The following LLGL1 variants were observed in gnomAD, a reference collection of about 807,000 sequenced individuals.
LLGL1 encodes the protein lethal(2) giant larvae protein homolog 1.
A neutral mutation model predicts 110.6 loss-of-function variants in LLGL1; 58 were observed. That is an observed-to-expected ratio of 0.52 (90% CI 0.42 to 0.65). The LOEUF (loss-of-function observed/expected upper bound fraction) is 0.65. Ranked by LOEUF, LLGL1 falls within the 30% of genes least tolerant of loss-of-function variation. LLGL1 has a pLI of 0.00. For synonymous variants in LLGL1, 674 were observed against 607.2 expected (o/e 1.11, Z -1.62); for missense variants, 1,229 against 1,462.1 (o/e 0.84, Z 2.60).
rs2047932204 is a variant in LLGL1 at position 18,244,388 on chromosome 17, C to CCCA, written c.*490_*492dup. 1 of 151,800 alleles carries CCCA rather than the reference C, an allele frequency of 6.6e-6. No individual in the cohort carries two copies. Among genetic ancestry groups the CCCA allele is most frequent in the Non-Finnish European group, 1.5e-5 (1 of 68,014 alleles). 9.4% of individuals were successfully genotyped at this position (151,800 alleles called of 1,614,324 possible). Reference sequence around the variant, plus strand: ...TCCCAAGTAGCTGGGACTACAGGCGCCCACCACCACGCCCAGCTAATTTTT... The same window carrying CCCA: ...TCCCAAGTAGCTGGGACTACAGGCGCCCACCACCACCACGCCCAGCTAATTTTT... On this transcript the variant is annotated 3_prime_UTR_variant, in exon 23 of 23. Transcript: ENST00000316843.
At chr17:18,225,793 G>GCT (rs2047423258) in intron 1 of LLGL1, 30 bp downstream of exon 1, 2 of 954,982 alleles carry the variant, frequency 2.1e-6, no homozygotes, top group Non-Finnish European at 2.5e-6. Context: ...CCGGGCTCGG[G>GCT]CGGGAGGGGG....
At chr17:18,242,139 G>A in intron 19 of LLGL1, 27 bp from the exon 20 acceptor site, 5 of 1,590,686 alleles carry the variant, frequency 3.1e-6, no homozygotes, top group Non-Finnish European at 4.3e-6. Flanking sequence ...TCCACCTATG[G>A]TCCCCATCAT....
intron 1 of LLGL1, among the ~76,000 whole-genome samples, chr17:18,229,714 G>A (rs1460158656): frequency 6.6e-6 from 1 of 152,162 alleles, no homozygotes. Flanking sequence ...CTATGCACGC[G>A]GTACAGTCAT....
chr17:18,229,980 G>T lies in LLGL1; in HGVS notation c.121G>T (p.Ala41Ser), dbSNP rs760918366. ...CTTCCCCAATCAGCCCAGCGCCCTG[G>T]CCTTCGACCCGGAACTTCGCATCAT... ...HGFPNQPSAL[A>S]FDPELRIMAI... Residue 41 changes from alanine (A) to serine (S), a missense_variant, in exon 2 of 23, where the codon GCC (alanine) becomes TCC (serine). Coordinates refer to ENST00000316843, the MANE Select transcript of LLGL1 (RefSeq NM_004140.4). The T allele has an allele frequency of 7.4e-6, 12 of 1,612,196 alleles. No individual in the cohort carries two copies. The highest frequency in any genetic ancestry group is 1.0e-5 in the Non-Finnish European group (12 of 1,179,752).
At position 18,235,514 on chromosome 17, in the gene LLGL1, AC is replaced by A; in HGVS notation, c.1330del (p.Gln444SerfsTer6). 6.2e-7 allele frequency: 1 copy of A among 1,613,920 alleles called. No homozygotes were observed. The highest frequency in any genetic ancestry group is 8.5e-7 in the Non-Finnish European group (1 of 1,179,992). On this transcript the variant is annotated frameshift_variant, in exon 11 of 23. Transcript: ENST00000316843. LOFTEE classifies it high-confidence loss of function. ...GGRNLAQEPS[Q>X]RGLLLTGHED... ...GCCGAAACCTGGCCCAGGAGCCGTC[AC>A]AGCGAGGGCTGCTGCTGACGGGGTA...
chr17:18,234,732 G>A (rs1362452899), intron 8 of LLGL1, 29 bp downstream of exon 8: 3 of 1,614,056 alleles, frequency 1.9e-6, no homozygotes, highest in African/African-American at 2.7e-5. Context: ...TGTCCGATGT[G>A]AGTTGGGTCT....
chr17:18,229,731 G>A (rs915548061), intron 1 of LLGL1, among the ~76,000 whole-genome samples: 3 of 152,186 alleles, frequency 2.0e-5, no homozygotes, highest in Admixed American at 1.3e-4. Context: ...TCATGGTGGA[G>A]GCTAGGGGTT....
At chr17:18,235,396 G>A (rs928086948) in intron 10 of LLGL1, 74 bp from the exon 11 acceptor site, 5 of 1,606,050 alleles carry the variant, frequency 3.1e-6, no homozygotes, top group Non-Finnish European at 4.3e-6. Flanking sequence ...AGGTCAGAAT[G>A]TGCCATACTC....
Position 18,235,106 on chromosome 17 carries a change from G to T in LLGL1, c.1078G>T (p.Ala360Ser). 1 of 1,613,902 alleles carries T rather than the reference G, an allele frequency of 6.2e-7. No individual in the cohort carries two copies. The highest frequency in any genetic ancestry group is 1.7e-4 in the Middle Eastern group (1 of 6,060). Reference sequence around the variant, plus strand: ...TCCCACAGAATTTGATGACCCCCAGGCCCTGGCTGTGCTGCTGGAAGAGGA... The same window carrying T: ...TCCCACAGAATTTGATGACCCCCAGTCCCTGGCTGTGCTGCTGGAAGAGGA... The part of the protein sequence containing the change: ...RPEDEFDDPQ[A>S]LAVLLEEELV... Residue 360 changes from alanine to serine, a missense_variant, in exon 10 of 23, where the codon GCC (alanine) becomes TCC (serine). By Grantham distance (99) the Ala-to-Ser change is moderately conservative (BLOSUM62 1). Coordinates refer to ENST00000316843, the MANE Select transcript of LLGL1 (RefSeq NM_004140.4).
Position 18,242,748 on chromosome 17 carries a change from C to G in LLGL1, c.3122C>G (p.Ser1041Cys), listed in dbSNP as rs12944748. The G allele has an allele frequency of 2.6e-6, 4 of 1,568,286 alleles. No individual in the cohort carries two copies. Among genetic ancestry groups the G allele is most frequent in the Non-Finnish European group, 3.5e-6 (4 of 1,155,826 alleles). The change falls in exon 22 of 23, where the codon TCT (serine) becomes TGT (cysteine). Residue 1041 changes from serine to cysteine, a missense_variant. Transcript: ENST00000316843. ...VEDVKDFLGS[S>C]EESEKNLRNL... Reference sequence around the variant, plus strand: ...GCACCATCCCCATCTCGCAGCTCCTCTGAGGAGTCAGAGAAGAACCTGAGG... The same window carrying G: ...GCACCATCCCCATCTCGCAGCTCCTGTGAGGAGTCAGAGAAGAACCTGAGG...
At position 18,242,688 on chromosome 17, in the gene LLGL1, A is replaced by G. The variant is rs887609151; in HGVS notation, c.3117-55A>G. 13 of 1,566,154 alleles carry G rather than the reference A, an allele frequency of 8.3e-6. No individual in the cohort carries two copies. The Admixed American group carries it at 1.3e-4, about 16-fold the overall frequency. ...CCCTGTCCCCTAGGCCTCCGTCCCC[A>G]GGGCTGCCAGGGGCTCCCCCGCCCC... is the stretch of plus-strand genomic sequence containing the variant. On this transcript the variant is annotated intron_variant, in intron 21 of 22. Transcript: ENST00000316843.
intron 17 of LLGL1, chr17:18,241,159 C>T (rs1467547174): frequency 6.8e-6 from 4 of 591,220 alleles, no homozygotes; most frequent in Non-Finnish European, 1.2e-5. Flanking sequence ...AGCCCAGTCC[C>T]CAGGGGCTCT....
chr17:18,241,720 G>A lies in LLGL1; in HGVS notation c.2767+5G>A. ...TCTTTACGCGCCATGGCCAGGGTGA[G>A]GCGGGGCAGAGGCCGAGGAGGCCTT... On this transcript the variant is annotated splice_donor_5th_base_variant and intron_variant, in intron 18 of 22. Coordinates refer to ENST00000316843, the MANE Select transcript of LLGL1 (RefSeq NM_004140.4). 1.2e-6 allele frequency: 2 copies of A among 1,612,006 alleles called. No homozygotes were observed. The highest frequency in any genetic ancestry group is 1.7e-6 in the Non-Finnish European group (2 of 1,179,010).
chr17:18,241,262 TG>T, intron 17 of LLGL1, 188 bp from the exon 18 acceptor site: 1 of 671,344 alleles, frequency 1.5e-6, no homozygotes, highest in South Asian at 1.9e-5. Context: ...AGAGAGGGCC[TG>T]GGAGGTTTCT....
Position 18,234,635 on chromosome 17 carries a change from G to T in LLGL1, c.851-14G>T, listed in dbSNP as rs770965755. 1 of 1,614,082 alleles carries T rather than the reference G, an allele frequency of 6.2e-7. No homozygotes were observed. Among genetic ancestry groups the T allele is most frequent in the Non-Finnish European group, 8.5e-7 (1 of 1,179,950 alleles). On this transcript the variant is annotated splice_polypyrimidine_tract_variant and intron_variant, in intron 7 of 22. Transcript: ENST00000316843. The stretch of plus-strand genomic sequence containing the variant: ...CCACCAGTGAGTCTGGTCTGACGCT[G>T]TCCCACCCCTCAGGCCCCTTTCCCT...
rs1241492487 is a variant in LLGL1 at position 18,244,408 on chromosome 17, A to G, written c.*502A>G. 1.3e-5 allele frequency: 2 copies of G among 150,720 alleles called. No homozygotes were observed. Among genetic ancestry groups the G allele is most frequent in the East Asian group, 3.9e-4 (2 of 5,118 alleles). 9.3% of individuals were successfully genotyped at this position (150,720 alleles called of 1,614,324 possible). A position where few individuals can be genotyped will look rare whatever the true frequency, so the allele number is the denominator to read the frequency against. On this transcript the variant is annotated 3_prime_UTR_variant, in exon 23 of 23. Transcript: ENST00000316843. ...AGGCGCCCACCACCACGCCCAGCTA[A>G]TTTTTTCTGTATTTTTAGTAGAGAT... is the stretch of plus-strand genomic sequence containing the variant.
Position 18,225,655 on chromosome 17 carries a change from G to T in LLGL1, c.-28G>T, listed in dbSNP as rs954287606. ...GGCGCATCCTGCGGGCGGCGGCGGC[G>T]GGCGAGGCGCCTGCAGCCGGGCGCA... On this transcript the variant is annotated 5_prime_UTR_variant, in exon 1 of 23. Transcript: ENST00000316843. 5 of 974,514 alleles carry T rather than the reference G, an allele frequency of 5.1e-6. No homozygotes were observed. Among genetic ancestry groups the T allele is most frequent in the South Asian group, 4.5e-5 (1 of 22,428 alleles). The allele number at this position is 974,514 out of a possible 1,614,324, so 60.4% of individuals were successfully genotyped here.
intron 22 of LLGL1, among the ~76,000 whole-genome samples, 193 bp downstream of exon 22, chr17:18,243,015 C>T (rs531261406): frequency 1.3e-5 from 2 of 152,362 alleles, no homozygotes; most frequent in East Asian, 3.9e-4. Context: ...ACACCAGTGT[C>T]ATGGTTGGGT....
chr17:18,225,896 G>A, intron 1 of LLGL1, 133 bp downstream of exon 1: 2 of 225,472 alleles, frequency 8.9e-6, no homozygotes, highest in Non-Finnish European at 1.5e-5. Context: ...GGGCGGGGCC[G>A]GGCCGGGCCG....
Sources: allele counts gnomAD v4.1 joint callset (sites outside exome capture counted in the v4.1 genomes callset), GRCh38; gene constraint gnomAD v4.1.1; transcripts MANE v1.5; gene names NCBI Gene and HGNC (gene_info 2026-07-23, HGNC 2026-07-21).